ZFYVE9: variants seen among roughly 807,000 people sequenced by gnomAD.
ZFYVE9 encodes the protein zinc finger FYVE domain-containing protein 9.
In ZFYVE9, 43 loss-of-function variants were observed where a neutral mutation model predicts 126.7. The ratio of observed to expected loss-of-function variants is 0.34; its 90% CI spans 0.27 to 0.44. ZFYVE9 has a LOEUF of 0.44. ZFYVE9 is among the 20% of genes least tolerant of loss of function. The pLI is 1.00. For missense variants in ZFYVE9, 1,476 were observed against 1,697.0 expected, an observed-to-expected ratio of 0.87 and a Z score of 2.29; for synonymous variants, 521 against 597.4, an observed-to-expected ratio of 0.87 and a Z score of 1.87.
At chr1:52,222,186 G>A (rs1645129687) in intron 2 of ZFYVE9, among the ~76,000 whole-genome samples, 1 of 152,170 alleles carries the variant, frequency 6.6e-6, no homozygotes, top group African/African-American at 2.4e-5. Context: ...CCTGAGATGA[G>A]CAGGTCATCC....
At chr1:52,213,477 C>G (rs1256560294) in intron 1 of ZFYVE9, among the ~76,000 whole-genome samples, 2 of 151,894 alleles carry the variant, frequency 1.3e-5, no homozygotes, top group Non-Finnish European at 2.9e-5. Context: ...ATAGTGAAAC[C>G]CTGTCTCTAC....
chr1:52,216,891 A>C (rs893786927), intron 2 of ZFYVE9, among the ~76,000 whole-genome samples: 1 of 152,190 alleles, frequency 6.6e-6, no homozygotes, highest in African/African-American at 2.4e-5. Context: ...TATTATGTAG[A>C]GCAATAATTT....
chr1:52,333,225 T>C (rs1569776133), intron 14 of ZFYVE9, among the ~76,000 whole-genome samples: 1 of 151,444 alleles, frequency 6.6e-6, no homozygotes, highest in Non-Finnish European at 1.5e-5. Flanking sequence ...ACATGGCATG[T>C]GTATACGTAT....
intron 1 of ZFYVE9, among the ~76,000 whole-genome samples, chr1:52,163,950 C>G (rs1236576060): frequency 3.9e-5 from 6 of 151,952 alleles, no homozygotes; most frequent in Non-Finnish European, 8.8e-5. Flanking sequence ...TTGAATATGA[C>G]CCAAATTTCT....
At chr1:52,159,979 G>A (rs558071221) in intron 1 of ZFYVE9, among the ~76,000 whole-genome samples, 6 of 151,186 alleles carry the variant, frequency 4.0e-5, no homozygotes, top group Non-Finnish European at 8.8e-5. Context: ...TGTATTTTTA[G>A]TAGAGTCGGG....
At chr1:52,293,750 T>G in intron 11 of ZFYVE9, 73 bp downstream of exon 11, 1 of 1,406,844 alleles carries the variant, frequency 7.1e-7, no homozygotes, top group Non-Finnish European at 9.8e-7. Flanking sequence ...GCCCTCTGTT[T>G]GGTGATATAA....
chr1:52,205,873 G>A (rs929858385), intron 1 of ZFYVE9, among the ~76,000 whole-genome samples: 2 of 152,136 alleles, frequency 1.3e-5, no homozygotes, highest in African/African-American at 4.8e-5. Context: ...CACCTAGAAT[G>A]ATCCGAAATA....
chr1:52,297,895 G>C (rs1169489224), intron 12 of ZFYVE9, among the ~76,000 whole-genome samples: 1 of 150,756 alleles, frequency 6.6e-6, no homozygotes, highest in African/African-American at 2.4e-5. Context: ...GCTAGTTTTT[G>C]TATTTTTAGT....
In ZFYVE9 at chr1:52,228,079, T is replaced by TTTTA. The variant is rs1266584997; in HGVS notation, c.-36-5080_-36-5077dup. On this transcript the variant is annotated intron_variant, in intron 2 of 18. Coordinates refer to ENST00000287727, the MANE Select transcript of ZFYVE9 (RefSeq NM_004799.4). ...TTTTAAAATATTTTATTTAGAATTT[T>TTTTA]TTTATTTATTTATTTTTGAGACAGG... Among the ~76,000 whole-genome samples the TTTTA allele has an allele frequency of 3.3e-5, 5 of 152,106 alleles. No individual in the cohort carries two copies. The East Asian group carries it at 7.7e-4, about 23-fold the overall frequency.
chr1:52,316,196 G>GAA (rs1646183734), intron 13 of ZFYVE9, among the ~76,000 whole-genome samples: 47 of 89,308 alleles, frequency 5.3e-4, no homozygotes, highest in Non-Finnish European at 8.6e-4. Context: ...AAAAAGAAAA[G>GAA]AAACCACAGC....
chr1:52,272,671 A>ACCTTTTTTTTTT (rs1162973754), intron 7 of ZFYVE9, among the ~76,000 whole-genome samples: 5 of 134,840 alleles, frequency 3.7e-5, no homozygotes, highest in African/African-American at 1.0e-4. Flanking sequence ...GCTAGAAATA[A>ACCTTTTTTTTTT]TCTTTTTTTT....
intron 1 of ZFYVE9, among the ~76,000 whole-genome samples, chr1:52,183,766 G>A (rs1644737057): frequency 6.6e-6 from 1 of 152,064 alleles, no homozygotes; most frequent in Non-Finnish European, 1.5e-5. Flanking sequence ...TCGGCCTCCC[G>A]AAGTGCTAGG....
At chr1:52,240,985 C>T (rs558664273) in intron 4 of ZFYVE9, among the ~76,000 whole-genome samples, 1 of 152,228 alleles carries the variant, frequency 6.6e-6, no homozygotes, top group Admixed American at 6.5e-5. Context: ...TAAGTCTAGA[C>T]GTCTAATGTA....
chr1:52,303,641 T>G (rs1646055624), intron 12 of ZFYVE9, among the ~76,000 whole-genome samples, 180 bp from the exon 13 acceptor site: 1 of 152,136 alleles, frequency 6.6e-6, no homozygotes, highest in Non-Finnish European at 1.5e-5. Context: ...CTTATAAGAG[T>G]TTAAAGACTA....
intron 13 of ZFYVE9, among the ~76,000 whole-genome samples, chr1:52,313,235 A>G (rs764181452): frequency 2.6e-5 from 4 of 152,242 alleles, no homozygotes; most frequent in Non-Finnish European, 4.4e-5. Context: ...CTGTGCAAGC[A>G]TGCTATCACA....
chr1:52,199,010 C>T (rs942704922), intron 1 of ZFYVE9, among the ~76,000 whole-genome samples: 3 of 151,492 alleles, frequency 2.0e-5, no homozygotes, highest in Non-Finnish European at 4.4e-5. Context: ...GTTTTAACAC[C>T]TTAAAAATCT....
intron 3 of ZFYVE9, among the ~76,000 whole-genome samples, chr1:52,235,609 G>A (rs1038388053): frequency 6.6e-6 from 1 of 152,110 alleles, no homozygotes; most frequent in Admixed American, 6.5e-5. Flanking sequence ...TGAGTTTTGT[G>A]CCCTTTTTAA....
chr1:52,274,973 G>T (rs1318437324), intron 8 of ZFYVE9, among the ~76,000 whole-genome samples: 5 of 152,188 alleles, frequency 3.3e-5, no homozygotes, highest in Non-Finnish European at 5.9e-5. Context: ...TATAGTAAGT[G>T]TGAAGAGCAC....
At chr1:52,265,888 CCT>C (rs746928408) in intron 5 of ZFYVE9, among the ~76,000 whole-genome samples, 14 of 151,926 alleles carry the variant, frequency 9.2e-5, no homozygotes, top group African/African-American at 3.1e-4. Flanking sequence ...TATTTTAGCC[CCT>C]GATTTTGCTT....
Sources: allele counts gnomAD v4.1 joint callset (sites outside exome capture counted in the v4.1 genomes callset), GRCh38; gene constraint gnomAD v4.1.1; transcripts MANE v1.5; gene names NCBI Gene and HGNC (gene_info 2026-07-23, HGNC 2026-07-21).